The following ANKRD33B variants were observed in gnomAD, a reference collection of about 807,000 sequenced individuals.
The protein encoded by ANKRD33B is ankyrin repeat domain 33B.
A neutral mutation model predicts 21.5 loss-of-function variants in ANKRD33B; 6 were observed. The ratio of observed to expected loss-of-function variants is 0.28; its 90% CI spans 0.15 to 0.55. ANKRD33B has a LOEUF of 0.55. Ranked by LOEUF, ANKRD33B falls within the 20% of genes least tolerant of loss-of-function variation. The probability of loss-of-function intolerance (pLI) is 0.94; values close to 1 mark genes in which losing one functional copy is unlikely to be tolerated. For synonymous variants in ANKRD33B, 347 were observed against 342.4 expected (o/e 1.01, Z -0.15); for missense variants, 698 against 747.2 (o/e 0.93, Z 0.77).
chr5:10,568,289 G>A (rs968750265), intron 1 of ANKRD33B, among the ~76,000 whole-genome samples: 1 of 152,208 alleles, frequency 6.6e-6, no homozygotes, highest in Non-Finnish European at 1.5e-5. Context: ...TGTTCCTTCT[G>A]ACTTGAGGCA....
intron 2 of ANKRD33B, among the ~76,000 whole-genome samples, chr5:10,624,409 C>T (rs901906115): frequency 7.9e-5 from 12 of 152,114 alleles, no homozygotes; most frequent in African/African-American, 2.2e-4. Context: ...GAATTACAGG[C>T]GTGAGCCGCC....
At chr5:10,649,146 A>C in intron 3 of ANKRD33B, 120 bp from the exon 4 acceptor site, 1 of 1,424,042 alleles carries the variant, frequency 7.0e-7, no homozygotes, top group Non-Finnish European at 9.2e-7. Context: ...GCAGTCTGTT[A>C]GGAGGCTTGG....
chr5:10,630,059 C>CA (rs58376434), intron 2 of ANKRD33B, among the ~76,000 whole-genome samples: 35,003 of 152,086 alleles, frequency 0.23, 4,125 homozygotes, highest in Middle Eastern at 0.35. Context: ...AACATGAAGA[C>CA]GGCCCACAGG....
intron 1 of ANKRD33B, among the ~76,000 whole-genome samples, chr5:10,608,119 C>T (rs1038238099): frequency 7.4e-5 from 11 of 148,292 alleles, no homozygotes; most frequent in South Asian, 2.2e-4. Flanking sequence ...GAGGCTGAGG[C>T]GGGTGGATCA....
At chr5:10,649,056 T>G (rs1737254174) in intron 3 of ANKRD33B, among the ~76,000 whole-genome samples, 1 of 151,956 alleles carries the variant, frequency 6.6e-6, no homozygotes, top group Admixed American at 6.5e-5. Flanking sequence ...GAGGCTACAG[T>G]AGGACGTGTT....
At chr5:10,636,507 C>T (rs746332118) in intron 2 of ANKRD33B, among the ~76,000 whole-genome samples, 36 of 152,208 alleles carry the variant, frequency 2.4e-4, no homozygotes, top group South Asian at 1.2e-3. Context: ...AGCCCAGCTA[C>T]TTGGGAGGCT....
chr5:10,649,282 G>A lies in ANKRD33B; in HGVS notation c.654G>A (p.Ala218=), dbSNP rs1386959381. Residue 218 remains alanine, a synonymous_variant, in exon 4 of 4, where the codon GCG becomes GCA. Transcript: ENST00000296657. ...ALMLAGADVH[A]RDPRRGMSPQ... ...GTTTTGCAGGGGCGGATGTCCACGC[G>A]AGGGACCCCCGCCGTGGGATGTCGC... The A allele has an allele frequency of 7.2e-6, 11 of 1,525,206 alleles. No homozygotes were observed. Among genetic ancestry groups the A allele is most frequent in the African/African-American group, 5.5e-5 (4 of 72,780 alleles). 94.5% of individuals were successfully genotyped at this position (1,525,206 alleles called of 1,614,324 possible).
At chr5:10,593,341 CAAAAT>C (rs960124523) in intron 1 of ANKRD33B, among the ~76,000 whole-genome samples, 6 of 151,976 alleles carry the variant, frequency 3.9e-5, no homozygotes, top group Non-Finnish European at 5.9e-5. Flanking sequence ...TAAGAAAAAA[CAAAAT>C]AAAGCAAAAA....
chr5:10,577,787 C>T (rs1735357378), intron 1 of ANKRD33B, among the ~76,000 whole-genome samples: 1 of 152,204 alleles, frequency 6.6e-6, no homozygotes, highest in South Asian at 2.1e-4. Flanking sequence ...AGATAACGGG[C>T]AGGTTTCTAG....
At chr5:10,634,755 C>T (rs1736814169) in intron 2 of ANKRD33B, among the ~76,000 whole-genome samples, 1 of 151,426 alleles carries the variant, frequency 6.6e-6, no homozygotes, top group South Asian at 2.1e-4. Context: ...TGCACCTGGC[C>T]TCAAACTAGA....
rs551511432 is a variant in ANKRD33B, at chr5:10,637,469, CGGG to C, written c.497-555_497-553del. Reference sequence around the variant, plus strand: ...ACACACACACACACACACACGGCGGCGGGGGGAGGGGTGGTGGTGGGTAAGGGT... The same window carrying C: ...ACACACACACACACACACACGGCGGCGGGAGGGGTGGTGGTGGGTAAGGGT... On this transcript the variant is annotated intron_variant, in intron 2 of 3. Coordinates refer to ENST00000296657, the MANE Select transcript of ANKRD33B (RefSeq NM_001164440.2). 7.9e-3 allele frequency among the ~76,000 whole-genome samples: 507 copies of C among 64,504 alleles called. 3 individuals are homozygous for C. The highest frequency in any genetic ancestry group is 0.027 in the African/African-American group (482 of 17,944). 42.3% of individuals were successfully genotyped at this position (64,504 alleles called of 152,430 possible). A position where few individuals can be genotyped will look rare whatever the true frequency, so the allele number is the denominator to read the frequency against.
intron 1 of ANKRD33B, among the ~76,000 whole-genome samples, chr5:10,585,507 G>A (rs1480301361): frequency 6.6e-6 from 1 of 152,230 alleles, no homozygotes; most frequent in Non-Finnish European, 1.5e-5. Context: ...GGTCTGTGGA[G>A]CATGTGGCTT....
intron 1 of ANKRD33B, among the ~76,000 whole-genome samples, chr5:10,583,709 T>C (rs943941383): frequency 1.3e-5 from 2 of 152,094 alleles, no homozygotes; most frequent in Non-Finnish European, 2.9e-5. Flanking sequence ...AGGTGTTTTT[T>C]ACAGTTAAAG....
intron 3 of ANKRD33B, among the ~76,000 whole-genome samples, chr5:10,641,684 A>T (rs2126604862): frequency 6.6e-6 from 1 of 152,212 alleles, no homozygotes; most frequent in East Asian, 1.9e-4. Context: ...ATTGCTTCAG[A>T]TTTATCTTTC....
At chr5:10,647,325 G>T (rs912970381) in intron 3 of ANKRD33B, among the ~76,000 whole-genome samples, 4 of 152,098 alleles carry the variant, frequency 2.6e-5, no homozygotes, top group African/African-American at 9.6e-5. Context: ...GGCCAGGTTG[G>T]TCCCAAACCC....
intron 2 of ANKRD33B, among the ~76,000 whole-genome samples, chr5:10,632,133 C>T (rs1440875350): frequency 2.6e-5 from 4 of 151,660 alleles, no homozygotes; most frequent in South Asian, 2.1e-4. Flanking sequence ...CGGTTCAGTC[C>T]GTTGGATGGC....
intron 1 of ANKRD33B, among the ~76,000 whole-genome samples, chr5:10,571,892 CTT>C (rs11433872): frequency 2.1e-5 from 3 of 144,218 alleles, no homozygotes; most frequent in Admixed American, 6.9e-5. Flanking sequence ...TTTCTTTTTT[CTT>C]TTTTTTTTTT....
At chr5:10,629,746 G>A (rs1736662331) in intron 2 of ANKRD33B, among the ~76,000 whole-genome samples, 1 of 152,204 alleles carries the variant, frequency 6.6e-6, no homozygotes, top group Non-Finnish European at 1.5e-5. Flanking sequence ...CAGCATTTCA[G>A]GAAGGAGAGA....
rs376718675 is a variant in ANKRD33B, at chr5:10,620,333, A to G, written c.496+1871A>G. Among the ~76,000 whole-genome samples the G allele has an allele frequency of 2.1e-4, 32 of 152,108 alleles. 1 individual carries two copies. Among genetic ancestry groups the G allele is most frequent in the African/African-American group, 7.5e-4 (31 of 41,476 alleles). Reference sequence around the variant, plus strand: ...AAGGGCATATAAGTAAAAGAAGATGAATGGGAGGAACATTGGTTTTGAGCT... The same window carrying G: ...AAGGGCATATAAGTAAAAGAAGATGGATGGGAGGAACATTGGTTTTGAGCT... On this transcript the variant is annotated intron_variant, in intron 2 of 3. Coordinates refer to ENST00000296657, the MANE Select transcript of ANKRD33B (RefSeq NM_001164440.2).
Sources: allele counts gnomAD v4.1 joint callset (sites outside exome capture counted in the v4.1 genomes callset), GRCh38; gene constraint gnomAD v4.1.1; transcripts MANE v1.5; gene names NCBI Gene and HGNC (gene_info 2026-07-23, HGNC 2026-07-21).